Variants in PTCH1 observed in about 807,000 individuals in gnomAD.
PTCH1 encodes protein patched homolog 1.
PTCH1 carries 14 observed loss-of-function variants against 144.6 expected under a neutral mutation model. The ratio of observed to expected loss-of-function variants is 0.10; its 90% CI spans 0.06 to 0.15. PTCH1 has a LOEUF of 0.15. PTCH1 is among the 10% of genes least tolerant of loss of function. PTCH1 has a pLI of 1.00. For missense variants in PTCH1, 1,623 were observed against 1,948.3 expected (o/e 0.83, Z 3.14); for synonymous variants, 833 against 793.6 (o/e 1.05, Z -0.83).
At chr9:95,453,842 C>T (rs1838684774) in intron 19 of PTCH1, among the ~76,000 whole-genome samples, 1 of 152,210 alleles carries the variant, frequency 6.6e-6, no homozygotes, top group South Asian at 2.1e-4. Context: ...ATCTTGAACA[C>T]AGTAAAATCA....
rs1588602943 is a variant in PTCH1 at position 95,478,158 on chromosome 9, G to C, written c.1244C>G (p.Ser415Cys). 1 of 1,614,196 alleles carries C rather than the reference G, an allele frequency of 6.2e-7. No homozygotes were observed. The highest frequency in any genetic ancestry group is 1.3e-5 in the African/African-American group (1 of 75,046). The change falls in exon 9 of 24, where the codon TCC (serine) becomes TGC (cysteine). Residue 415 changes from serine to cysteine, a missense_variant. Ser to Cys is a moderately radical substitution (Grantham distance 112, BLOSUM62 -1). Transcript: ENST00000331920. ...GGTGAAGGAAAGCACCTTTTGAGTG[G>C]AGTTCTGTGCGACACTCTGATGAAC... is the stretch of plus-strand genomic sequence containing the variant. ...EVVHQSVAQN[S>C]TQKVLSFTTT...
intron 2 of PTCH1, among the ~76,000 whole-genome samples, chr9:95,500,886 T>C (rs558982941): frequency 2.6e-5 from 4 of 152,228 alleles, no homozygotes; most frequent in Non-Finnish European, 5.9e-5. Flanking sequence ...CAAATTTAGA[T>C]ACCCCCCACC....
At chr9:95,463,591 T>A (rs969043476) in intron 15 of PTCH1, among the ~76,000 whole-genome samples, 74 of 152,318 alleles carry the variant, frequency 4.9e-4, no homozygotes, top group African/African-American at 1.7e-3. Flanking sequence ...TGTAACAATT[T>A]TCATGATGTC....
chr9:95,479,246 A>T (rs1841344480), intron 7 of PTCH1, 99 bp from the exon 8 acceptor site: 1 of 1,465,918 alleles, frequency 6.8e-7, no homozygotes, highest in Non-Finnish European at 9.5e-7. Flanking sequence ...CACTGGCTGC[A>T]ATTCTTTTCC....
chr9:95,465,855 G>A (rs1325315675), intron 15 of PTCH1, among the ~76,000 whole-genome samples: 2 of 152,140 alleles, frequency 1.3e-5, no homozygotes. Context: ...TGAATTGGGT[G>A]GATAATTATC....
intron 2 of PTCH1, among the ~76,000 whole-genome samples, chr9:95,496,439 T>C (rs1007218983): frequency 1.3e-5 from 2 of 152,060 alleles, no homozygotes; most frequent in African/African-American, 4.8e-5. Context: ...TGCCCTAACA[T>C]TCTGGATCTG....
chr9:95,473,920 A>G (rs16909902), intron 12 of PTCH1: 33,180 of 365,784 alleles, frequency 0.091, 1,715 homozygotes, highest in African/African-American at 0.14. Flanking sequence ...CTTGGAAGCT[A>G]TAGTTGCAAT....
chr9:95,478,885 C>A (rs1049754869), intron 8 of PTCH1, 115 bp downstream of exon 8: 3 of 1,510,032 alleles, frequency 2.0e-6, no homozygotes, highest in Non-Finnish European at 2.7e-6. Context: ...CATCAAGTTC[C>A]CAGAATTGCA....
chr9:95,453,768 A>G (rs1420241013), intron 19 of PTCH1, 148 bp from the exon 20 acceptor site: 12 of 1,070,138 alleles, frequency 1.1e-5, no homozygotes, highest in Non-Finnish European at 1.7e-5. Flanking sequence ...CTCAACTAGC[A>G]GCACCTAGAC....
chr9:95,499,471 A>AGAGT (rs934446191), intron 2 of PTCH1, among the ~76,000 whole-genome samples: 2 of 138,796 alleles, frequency 1.4e-5, no homozygotes, highest in Non-Finnish European at 3.1e-5. Flanking sequence ...TGGGCAGGTT[A>AGAGT]GAGTGGGTGG....
chr9:95,467,036 C>T lies in PTCH1; in HGVS notation c.2560+80G>A, dbSNP rs41307424. Reference sequence around the variant, plus strand: ...CAGTGTTACATTCTAATCTAACGCTCTCATAATCATGACAAAGGAACCTGT... The same window carrying T: ...CAGTGTTACATTCTAATCTAACGCTTTCATAATCATGACAAAGGAACCTGT... On this transcript the variant is annotated intron_variant, in intron 15 of 23. Transcript: ENST00000331920. 6.8e-6 allele frequency: 10 copies of T among 1,465,240 alleles called. No individual in the cohort carries two copies. In the Admixed American group the frequency reaches 1.8e-4, roughly 26 times the overall value. 90.8% of individuals were successfully genotyped at this position (1,465,240 alleles called of 1,614,324 possible). A position where few individuals can be genotyped will look rare whatever the true frequency, so the allele number is the denominator to read the frequency against.
intron 2 of PTCH1, among the ~76,000 whole-genome samples, chr9:95,502,640 T>C (rs193165156): frequency 8.7e-4 from 133 of 152,332 alleles, no homozygotes; most frequent in African/African-American, 3.1e-3. Context: ...TAATTGACAG[T>C]TTATTAAAAG....
upstream of PTCH1, among the ~76,000 whole-genome samples, chr9:95,510,365 G>A (rs1199565214): frequency 1.3e-5 from 2 of 152,144 alleles, no homozygotes; most frequent in African/African-American, 4.8e-5. Context: ...AACTGTGCGC[G>A]GATCGCGAGG....
chr9:95,467,456 C>T (rs753240839), intron 14 of PTCH1, 31 bp from the exon 15 acceptor site: 3 of 1,605,194 alleles, frequency 1.9e-6, no homozygotes, highest in Non-Finnish European at 2.6e-6. Context: ...GGTCAGACCC[C>T]AGGGAGCACC....
At chr9:95,480,727 A>C in intron 5 of PTCH1, 139 bp from the exon 6 acceptor site, 1 of 853,494 alleles carries the variant, frequency 1.2e-6, no homozygotes, top group Non-Finnish European at 1.9e-6. Flanking sequence ...CATCAAAACA[A>C]ATGCTCCTTT....
upstream of PTCH1, among the ~76,000 whole-genome samples, chr9:95,510,209 T>G (rs74499984): frequency 6.3e-3 from 958 of 152,374 alleles, 6 homozygotes; most frequent in Non-Finnish European, 0.011. Context: ...CCTGATTATT[T>G]TGGGTTCATT....
chr9:95,469,136 A>T lies in PTCH1; in HGVS notation c.1865T>A (p.Val622Glu). 2.5e-6 allele frequency: 4 copies of T among 1,613,926 alleles called. No individual in the cohort carries two copies. Among genetic ancestry groups the T allele is most frequent in the Non-Finnish European group, 3.4e-6 (4 of 1,179,988 alleles). The change falls in exon 14 of 24, where the codon GTG (valine) becomes GAG (glutamate). Residue 622 changes from valine to glutamate, a missense_variant. Coordinates refer to ENST00000331920, the MANE Select transcript of PTCH1 (RefSeq NM_000264.5). ...CCFTSPCVSR[V>E]IQVEPQAYTD... ...GTAGGCCTGAGGTTCAACCTGAATC[A>T]CTCTGCTGACGCAGGGGCTGAAAGG...
In PTCH1 at chr9:95,508,558, C is replaced by T. The variant is rs1449033934; in HGVS notation, c.-197G>A. 9.9e-7 allele frequency: 1 copy of T among 1,005,706 alleles called. No homozygotes were observed. Among genetic ancestry groups the T allele is most frequent in the African/African-American group, 1.7e-5 (1 of 57,648 alleles). 62.3% of individuals were successfully genotyped at this position (1,005,706 alleles called of 1,614,324 possible). On this transcript the variant is annotated 5_prime_UTR_variant, in exon 1 of 24. Coordinates refer to ENST00000331920, the MANE Select transcript of PTCH1 (RefSeq NM_000264.5). ...GCTCACACGGCGGGCGCTGCTGCCG[C>T]TGCGGCCGCGGCCGCTGCCGGGGAG...
At chr9:95,448,623 T>A (rs1838166530) in intron 22 of PTCH1, among the ~76,000 whole-genome samples, 1 of 151,958 alleles carries the variant, frequency 6.6e-6, no homozygotes, top group African/African-American at 2.4e-5. Flanking sequence ...ATCAAGGGCA[T>A]TGAAACCTAA....
Sources: allele counts gnomAD v4.1 joint callset (sites outside exome capture counted in the v4.1 genomes callset), GRCh38; gene constraint gnomAD v4.1.1; transcripts MANE v1.5; gene names NCBI Gene and HGNC (gene_info 2026-07-23, HGNC 2026-07-21).